SLC12A6: variants seen among roughly 807,000 people sequenced by gnomAD.
The protein encoded by SLC12A6 is K-Cl cotransporter 3.
In SLC12A6, 66 loss-of-function variants were observed where a neutral mutation model predicts 135.3. That is an observed-to-expected ratio of 0.49 (90% CI 0.40 to 0.60). The LOEUF (loss-of-function observed/expected upper bound fraction) is 0.60, where lower values mean the gene tolerates loss of function less well. Ranked by LOEUF, SLC12A6 falls within the 20% of genes least tolerant of loss-of-function variation. The pLI, the probability that SLC12A6 is intolerant of heterozygous loss-of-function variation, is 0.00. For synonymous variants in SLC12A6, 513 were observed against 508.8 expected, an observed-to-expected ratio of 1.01 and a Z score of -0.11; for missense variants, 1,058 against 1,452.3, an observed-to-expected ratio of 0.73 and a Z score of 4.41.
At chr15:34,239,832 C>G (rs1891522323) in intron 19 of SLC12A6, among the ~76,000 whole-genome samples, 1 of 152,076 alleles carries the variant, frequency 6.6e-6, no homozygotes, top group Non-Finnish European at 1.5e-5. Flanking sequence ...AAGAACTAGG[C>G]TCTCCTGATT....
At chr15:34,261,083 C>T (rs1211932884) in intron 3 of SLC12A6, 63 bp from the exon 4 acceptor site, 5 of 849,468 alleles carry the variant, frequency 5.9e-6, no homozygotes, top group Admixed American at 5.1e-5. Flanking sequence ...AACATCAGCA[C>T]CAGATAAGTG....
intron 2 of SLC12A6, among the ~76,000 whole-genome samples, chr15:34,311,421 C>A (rs1245517693): frequency 2.0e-5 from 3 of 151,988 alleles, no homozygotes; most frequent in Non-Finnish European, 4.4e-5. Context: ...TAAGTAAATG[C>A]AATAATCAGT....
chr15:34,321,072 C>G (rs569287717), intron 2 of SLC12A6, among the ~76,000 whole-genome samples: 2 of 152,218 alleles, frequency 1.3e-5, no homozygotes, highest in African/African-American at 4.8e-5. Flanking sequence ...AACACGAAAA[C>G]AGAAACATTA....
chr15:34,257,229 A>G (rs1892815595), intron 6 of SLC12A6, among the ~76,000 whole-genome samples: 1 of 152,176 alleles, frequency 6.6e-6, no homozygotes, highest in African/African-American at 2.4e-5. Context: ...AAACTTCAAA[A>G]CCAAATAAAA....
intron 2 of SLC12A6, among the ~76,000 whole-genome samples, chr15:34,334,440 C>T (rs1419135792): frequency 3.9e-5 from 6 of 152,148 alleles, no homozygotes; most frequent in African/African-American, 1.4e-4. Flanking sequence ...ACATCTAAAT[C>T]TAACAAGGGC....
At chr15:34,267,844 G>C (rs562990870) in intron 3 of SLC12A6, among the ~76,000 whole-genome samples, 1 of 152,130 alleles carries the variant, frequency 6.6e-6, no homozygotes, top group Non-Finnish European at 1.5e-5. Flanking sequence ...TCATTAAGAT[G>C]TATCTAGGTG....
chr15:34,315,412 C>T (rs1888569913), intron 2 of SLC12A6, among the ~76,000 whole-genome samples: 1 of 152,064 alleles, frequency 6.6e-6, no homozygotes, highest in African/African-American at 2.4e-5. Context: ...TGATCATTAG[C>T]ATTTTTTGGT....
rs397963192 is a variant in SLC12A6, at chr15:34,326,858, C to CTTTTTT, written c.271+9546_271+9551dup. The stretch of plus-strand genomic sequence containing the variant: ...AGGTGCACACCACCACAACTGGCTG[C>CTTTTTT]TTTTTTTTTTTTTTTTTTTTTTTTT... On this transcript the variant is annotated intron_variant, in intron 2 of 25. Coordinates refer to ENST00000354181, the MANE Select transcript of SLC12A6 (RefSeq NM_001365088.1). Among the ~76,000 whole-genome samples the CTTTTTT allele has an allele frequency of 2.6e-4, 19 of 72,172 alleles. 3 individuals are homozygous for CTTTTTT. The highest frequency in any genetic ancestry group is 1.3e-3 in the African/African-American group (16 of 11,860). 47.3% of individuals were successfully genotyped at this position (72,172 alleles called of 152,430 possible).
chr15:34,250,029 C>T (rs1249047913), intron 13 of SLC12A6, among the ~76,000 whole-genome samples: 4 of 152,176 alleles, frequency 2.6e-5, no homozygotes, highest in Non-Finnish European at 5.9e-5. Flanking sequence ...CTCAGTCCCC[C>T]AAGTAGCCAG....
chr15:34,311,454 A>C (rs1030041161), intron 2 of SLC12A6, among the ~76,000 whole-genome samples: 6 of 152,244 alleles, frequency 3.9e-5, no homozygotes, highest in Non-Finnish European at 5.9e-5. Flanking sequence ...TATTGGTCCT[A>C]TTTTTAAAAA....
intron 2 of SLC12A6, among the ~76,000 whole-genome samples, chr15:34,290,673 T>C (rs1042279342): frequency 2.0e-5 from 3 of 152,240 alleles, no homozygotes; most frequent in Non-Finnish European, 2.9e-5. Context: ...ATTGGGTGCA[T>C]ATACATTTAG....
chr15:34,270,165 C>T (rs958946906), intron 3 of SLC12A6, among the ~76,000 whole-genome samples: 20 of 151,752 alleles, frequency 1.3e-4, no homozygotes, highest in Admixed American at 4.6e-4. Context: ...CAGGGTATCA[C>T]TCTGTCGCGG....
intron 3 of SLC12A6, among the ~76,000 whole-genome samples, chr15:34,267,361 T>C (rs1333975596): frequency 6.6e-6 from 1 of 152,264 alleles, no homozygotes; most frequent in Non-Finnish European, 1.5e-5. Context: ...TTCAGACTAC[T>C]AGTCTTCTAG....
At chr15:34,300,533 A>G (rs1256259171) in intron 2 of SLC12A6, among the ~76,000 whole-genome samples, 3 of 152,084 alleles carry the variant, frequency 2.0e-5, no homozygotes, top group African/African-American at 7.2e-5. Context: ...ACAGTGGCTC[A>G]TGTCTGTAAT....
At chr15:34,331,383 C>T (rs1349943547) in intron 2 of SLC12A6, among the ~76,000 whole-genome samples, 1 of 152,184 alleles carries the variant, frequency 6.6e-6, no homozygotes, top group Non-Finnish European at 1.5e-5. Context: ...TCAAGTGATC[C>T]GCCCGCCTTG....
intron 15 of SLC12A6, among the ~76,000 whole-genome samples, chr15:34,244,691 T>C (rs1891868006): frequency 6.6e-6 from 1 of 152,230 alleles, no homozygotes; most frequent in Non-Finnish European, 1.5e-5. Flanking sequence ...AATTCCTTTA[T>C]ATGCATTCTC....
At chr15:34,320,892 G>C (rs1286568506) in intron 2 of SLC12A6, among the ~76,000 whole-genome samples, 2 of 151,508 alleles carry the variant, frequency 1.3e-5, no homozygotes, top group Non-Finnish European at 2.9e-5. Flanking sequence ...CTGGGCGACA[G>C]AGCAAGACTC....
chr15:34,262,814 G>A (rs1462182663), intron 3 of SLC12A6, among the ~76,000 whole-genome samples: 3 of 152,108 alleles, frequency 2.0e-5, no homozygotes, highest in South Asian at 2.1e-4. Flanking sequence ...CACTGCACTC[G>A]CTCACTCCCT....
intron 3 of SLC12A6, 84 bp from the exon 4 acceptor site, chr15:34,261,104 C>T (rs952231823): frequency 1.0e-5 from 8 of 782,366 alleles, no homozygotes; most frequent in East Asian, 4.9e-5. Flanking sequence ...CAGGTTGCTT[C>T]GGTATTAATA....
Sources: allele counts gnomAD v4.1 joint callset (sites outside exome capture counted in the v4.1 genomes callset), GRCh38; gene constraint gnomAD v4.1.1; transcripts MANE v1.5; gene names NCBI Gene and HGNC (gene_info 2026-07-23, HGNC 2026-07-21).